The following ODAD2 variants were observed in gnomAD, a reference collection of about 807,000 sequenced individuals.
ODAD2 encodes the protein outer dynein arm docking complex subunit 2, also known as outer dynein arm-docking complex subunit 2.
A neutral mutation model predicts 106.8 loss-of-function variants in ODAD2; 89 were observed. That is an observed-to-expected ratio of 0.83 (90% CI 0.70 to 0.99). The LOEUF (loss-of-function observed/expected upper bound fraction) is 0.99, where lower values mean the gene tolerates loss of function less well. Among genes scored for constraint, ODAD2 ranks in the 50% least tolerant of loss-of-function variants. The pLI is 0.00. For synonymous variants in ODAD2, 404 were observed against 436.2 expected (o/e 0.93, Z 0.92); for missense variants, 1,168 against 1,238.5 (o/e 0.94, Z 0.85).
intron 15 of ODAD2, 95 bp downstream of exon 15, chr10:27,936,631 A>T: frequency 7.5e-7 from 1 of 1,336,432 alleles, no homozygotes; most frequent in Non-Finnish European, 1.1e-6. Context: ...TACAACTAAC[A>T]TTAGAATTGA....
In ODAD2 at chr10:27,862,675, AT is replaced by A. The variant is rs34181914; in HGVS notation, c.2611-54del. 0.6 allele frequency: 839,328 copies of A among 1,392,374 alleles called. 260,538 individuals are homozygous for A. The highest frequency in any genetic ancestry group is 0.68 in the Middle Eastern group (3,631 of 5,364). The allele number at this position is 1,392,374 out of a possible 1,614,324, so 86.3% of individuals were successfully genotyped here. ...ATCAAAACTAAACCTACATTTAGGCATTTTTTAAGAGGCAGAAAGTAACAAT... is the reference window on the plus strand; with the variant it reads ...ATCAAAACTAAACCTACATTTAGGCATTTTTAAGAGGCAGAAAGTAACAAT... On this transcript the variant is annotated intron_variant, in intron 17 of 19. Transcript: ENST00000305242.
intron 16 of ODAD2, among the ~76,000 whole-genome samples, chr10:27,921,084 A>T (rs1280745316): frequency 6.6e-6 from 1 of 152,116 alleles, no homozygotes; most frequent in Non-Finnish European, 1.5e-5. Flanking sequence ...AATTGTAGGA[A>T]ATTAGTATAT....
rs181661129 is a variant in ODAD2 at position 27,941,825 on chromosome 10, G to A, written c.1744-1020C>T. ...CTACTCCATTCTTCTGTCCCTGAAG[G>A]TCAACTTCCACAGATACTGCCCGTA... On this transcript the variant is annotated intron_variant, in intron 12 of 19. Coordinates refer to ENST00000305242, the MANE Select transcript of ODAD2 (RefSeq NM_018076.5). Among the ~76,000 whole-genome samples the A allele has an allele frequency of 4.6e-5, 7 of 152,158 alleles. No individual in the cohort carries two copies. In the East Asian group the frequency reaches 1.2e-3, roughly 25 times the overall value.
At chr10:27,977,108 T>C (rs568252787) in intron 7 of ODAD2, among the ~76,000 whole-genome samples, 1 of 151,964 alleles carries the variant, frequency 6.6e-6, no homozygotes, top group East Asian at 1.9e-4. Flanking sequence ...TAGATATAGA[T>C]TGGAAAGGTA....
chr10:27,874,301 C>CT (rs1841148901), intron 17 of ODAD2, among the ~76,000 whole-genome samples: 1 of 152,178 alleles, frequency 6.6e-6, no homozygotes, highest in Admixed American at 6.5e-5. Flanking sequence ...GGTCTTGACT[C>CT]TTTACCCACT....
intron 17 of ODAD2, among the ~76,000 whole-genome samples, chr10:27,889,881 A>T (rs1365721175): frequency 6.6e-6 from 1 of 152,156 alleles, no homozygotes; most frequent in Non-Finnish European, 1.5e-5. Flanking sequence ...CACCAGCCAG[A>T]CTACAGTCAT....
chr10:27,839,451 C>G (rs1341353966), intron 19 of ODAD2, among the ~76,000 whole-genome samples: 1 of 152,162 alleles, frequency 6.6e-6, no homozygotes, highest in African/African-American at 2.4e-5. Context: ...GGGGTGTTCA[C>G]CTGTTGCTAT....
At chr10:27,989,393 T>G (rs541646292) in intron 2 of ODAD2, among the ~76,000 whole-genome samples, 1 of 152,326 alleles carries the variant, frequency 6.6e-6, no homozygotes, top group African/African-American at 2.4e-5. Flanking sequence ...GCCAATGACA[T>G]GCATTGTTCA....
At chr10:27,812,736 C>T (rs1186250144) in intron 19 of ODAD2, 111 bp from the exon 20 acceptor site, 5 of 1,378,136 alleles carry the variant, frequency 3.6e-6, no homozygotes, top group Non-Finnish European at 4.7e-6. Context: ...TTAAAACCAC[C>T]AAAAAAGCAT....
At chr10:27,974,689 G>GTTTTTTTTTTTT (rs397699788) in intron 7 of ODAD2, among the ~76,000 whole-genome samples, 3 of 128,388 alleles carry the variant, frequency 2.3e-5, no homozygotes, top group Non-Finnish European at 3.3e-5. Flanking sequence ...GTCTGTTTTT[G>GTTTTTTTTTTTT]TTTTTTTTTT....
At chr10:27,916,103 T>A (rs557766555) in intron 16 of ODAD2, among the ~76,000 whole-genome samples, 45 of 152,146 alleles carry the variant, frequency 3.0e-4, no homozygotes, top group African/African-American at 1.0e-3. Flanking sequence ...CCTAGCAGAA[T>A]AAGGGGAATA....
chr10:27,918,838 C>T (rs1386117842), intron 16 of ODAD2, among the ~76,000 whole-genome samples: 1 of 150,906 alleles, frequency 6.6e-6, no homozygotes, highest in African/African-American at 2.4e-5. Context: ...AGCAAGTTTG[C>T]CAGCATACAT....
chr10:27,931,277 C>T (rs1442651719), intron 16 of ODAD2, among the ~76,000 whole-genome samples: 1 of 152,128 alleles, frequency 6.6e-6, no homozygotes, highest in Non-Finnish European at 1.5e-5. Flanking sequence ...GTGCGTTTTA[C>T]ATTTTAAAAT....
At chr10:27,972,444 C>A (rs758124688) in intron 7 of ODAD2, among the ~76,000 whole-genome samples, 4 of 152,084 alleles carry the variant, frequency 2.6e-5, no homozygotes, top group Non-Finnish European at 5.9e-5. Context: ...GTAGTTACAT[C>A]AAATGAAAGT....
intron 19 of ODAD2, among the ~76,000 whole-genome samples, chr10:27,826,771 C>T (rs1427727699): frequency 4.6e-5 from 7 of 152,126 alleles, no homozygotes; most frequent in Non-Finnish European, 1.0e-4. Flanking sequence ...CTTTCACCCT[C>T]CTTCCTGCTC....
chr10:27,883,181 G>T (rs1008219021), intron 17 of ODAD2, among the ~76,000 whole-genome samples: 3 of 151,908 alleles, frequency 2.0e-5, no homozygotes, highest in African/African-American at 7.2e-5. Context: ...TCTGAGAGTT[G>T]TAAACTGTAG....
intron 17 of ODAD2, among the ~76,000 whole-genome samples, chr10:27,882,564 A>G (rs940662925): frequency 1.3e-5 from 2 of 152,238 alleles, no homozygotes; most frequent in Non-Finnish European, 2.9e-5. Context: ...CTCAAATTTA[A>G]TAAAAGGCTT....
chr10:27,856,108 C>T (rs774767397), intron 19 of ODAD2, among the ~76,000 whole-genome samples: 2 of 152,184 alleles, frequency 1.3e-5, no homozygotes, highest in Admixed American at 1.3e-4. Flanking sequence ...TTGGATATCT[C>T]TTAGACTTCT....
intron 10 of ODAD2, among the ~76,000 whole-genome samples, chr10:27,961,355 G>C (rs1235335821): frequency 6.6e-6 from 1 of 152,136 alleles, no homozygotes; most frequent in Admixed American, 6.5e-5. Context: ...CGGGAGAGAG[G>C]GTTGGTACCA....
Sources: gnomAD v4.1 joint callset for allele counts (sites outside exome capture counted in the v4.1 genomes callset) on GRCh38, gnomAD v4.1.1 for gene constraint, MANE v1.5 for transcripts, NCBI Gene and HGNC (gene_info 2026-07-23, HGNC 2026-07-21) for gene names.